The following ZNF385D variants were observed in gnomAD, a reference collection of about 807,000 sequenced individuals.
ZNF385D encodes the protein zinc finger protein 385D.
In ZNF385D, 15 loss-of-function variants were observed where a neutral mutation model predicts 35.8. The ratio of observed to expected loss-of-function variants is 0.42; its 90% CI spans 0.28 to 0.64. The LOEUF is 0.64. ZNF385D is among the 30% of genes least tolerant of loss of function. The pLI is 0.23. For missense variants in ZNF385D, 474 were observed against 494.6 expected (o/e 0.96, Z 0.39); for synonymous variants, 212 against 186.8 (o/e 1.13, Z -1.10).
intron 1 of ZNF385D, among the ~76,000 whole-genome samples, chr3:21,712,541 A>C (rs762493264): frequency 1.3e-5 from 2 of 152,198 alleles, no homozygotes; most frequent in Non-Finnish European, 2.9e-5. Context: ...AATAATAGAA[A>C]AGTAAACTTT....
At chr3:21,809,923 T>G (rs2072836098) in intron 3 of ZNF385D, among the ~76,000 whole-genome samples, 1 of 152,108 alleles carries the variant, frequency 6.6e-6, no homozygotes, top group Admixed American at 6.6e-5. Context: ...ACAAAATCTC[T>G]AGGCATAAAT....
chr3:22,136,171 C>G (rs144414534), intron 3 of ZNF385D, among the ~76,000 whole-genome samples: 1 of 152,204 alleles, frequency 6.6e-6, no homozygotes, highest in South Asian at 2.1e-4. Context: ...ATCGCCTGAG[C>G]TCAGGAGTTT....
chr3:22,090,982 G>T (rs907502695), intron 3 of ZNF385D, among the ~76,000 whole-genome samples: 5 of 152,184 alleles, frequency 3.3e-5, no homozygotes, highest in African/African-American at 9.6e-5. Context: ...CATGGCAAAA[G>T]AATTGCAAGA....
chr3:21,673,502 G>A (rs551486853), intron 1 of ZNF385D, among the ~76,000 whole-genome samples: 1 of 152,140 alleles, frequency 6.6e-6, no homozygotes, highest in South Asian at 2.1e-4. Context: ...CTTTCTCCTG[G>A]GTCCTTTGAC....
At chr3:21,998,425 AT>A (rs1400545334) in intron 3 of ZNF385D, among the ~76,000 whole-genome samples, 1 of 152,228 alleles carries the variant, frequency 6.6e-6, no homozygotes. Context: ...TCAAAATTCC[AT>A]CTTTACTTTT....
intron 3 of ZNF385D, among the ~76,000 whole-genome samples, chr3:21,933,506 A>G (rs1405785370): frequency 2.0e-5 from 3 of 152,218 alleles, no homozygotes; most frequent in Non-Finnish European, 4.4e-5. Context: ...TTCATAGGCT[A>G]TAATTACCTG....
chr3:22,086,564 G>T (rs1048145617), intron 3 of ZNF385D, among the ~76,000 whole-genome samples: 9 of 152,212 alleles, frequency 5.9e-5, no homozygotes, highest in Middle Eastern at 3.4e-3. Context: ...ACAAAGAAAT[G>T]GAAGAACATT....
intron 1 of ZNF385D, among the ~76,000 whole-genome samples, chr3:21,694,061 T>TTTTTTTTGG (rs2067383430): frequency 8.1e-6 from 1 of 124,104 alleles, no homozygotes; most frequent in Non-Finnish European, 1.7e-5. Flanking sequence ...TTTTTTTTTT[T>TTTTTTTTGG]GAGACAGAGT....
At chr3:22,094,714 C>A (rs1163931497) in intron 3 of ZNF385D, among the ~76,000 whole-genome samples, 1 of 151,900 alleles carries the variant, frequency 6.6e-6, no homozygotes, top group Non-Finnish European at 1.5e-5. Context: ...CAGACATGCT[C>A]AGTAGGTTAC....
chr3:22,105,042 C>T (rs1301881565), intron 3 of ZNF385D, among the ~76,000 whole-genome samples: 3 of 152,036 alleles, frequency 2.0e-5, no homozygotes, highest in Non-Finnish European at 4.4e-5. Flanking sequence ...AAATTAAACA[C>T]TGTTTGAATA....
At chr3:21,443,133 C>T in intron 4 of ZNF385D, 1 of 985,298 alleles carries the variant, frequency 1.0e-6, no homozygotes, top group Non-Finnish European at 1.2e-6. Context: ...CCAAATGAGG[C>T]TGTGGAGAAA....
At chr3:21,774,636 A>T (rs548440517) in intron 3 of ZNF385D, among the ~76,000 whole-genome samples, 4 of 151,880 alleles carry the variant, frequency 2.6e-5, no homozygotes, top group Admixed American at 1.3e-4. Context: ...AGAGATAGAG[A>T]GAAGTGATTA....
chr3:21,980,838 T>C (rs1423803395), intron 3 of ZNF385D, among the ~76,000 whole-genome samples: 1 of 152,188 alleles, frequency 6.6e-6, no homozygotes, highest in Non-Finnish European at 1.5e-5. Flanking sequence ...GTTCTTGAGT[T>C]AGTTTGCTAA....
At chr3:21,563,563 A>G (rs1163342066) in intron 3 of ZNF385D, among the ~76,000 whole-genome samples, 4 of 152,136 alleles carry the variant, frequency 2.6e-5, no homozygotes, top group Admixed American at 6.5e-5. Context: ...CCTATACTCA[A>G]TTATCTTGCA....
chr3:21,807,524 G>A (rs1363117759), intron 3 of ZNF385D, among the ~76,000 whole-genome samples: 1 of 152,026 alleles, frequency 6.6e-6, no homozygotes, highest in African/African-American at 2.4e-5. Flanking sequence ...GTTTTTTGAA[G>A]ATAATATTTT....
chr3:21,874,810 T>G (rs1697878686), intron 3 of ZNF385D, among the ~76,000 whole-genome samples: 1 of 152,230 alleles, frequency 6.6e-6, no homozygotes, highest in South Asian at 2.1e-4. Context: ...GCACTGGATC[T>G]GCTTTGGGAA....
At chr3:21,811,841 T>A (rs1326940115) in intron 3 of ZNF385D, among the ~76,000 whole-genome samples, 1 of 152,212 alleles carries the variant, frequency 6.6e-6, no homozygotes, top group African/African-American at 2.4e-5. Context: ...TCCAAAATCA[T>A]GTTAAATGGC....
chr3:21,536,174 G>T (rs897987294), intron 3 of ZNF385D, among the ~76,000 whole-genome samples: 1 of 152,048 alleles, frequency 6.6e-6, no homozygotes, highest in African/African-American at 2.4e-5. Context: ...TGACAATTGG[G>T]AATTTATCAC....
At chr3:21,981,430 C>T (rs558149646) in intron 3 of ZNF385D, among the ~76,000 whole-genome samples, 3 of 152,036 alleles carry the variant, frequency 2.0e-5, no homozygotes, top group South Asian at 2.1e-4. Context: ...TTTTCTCTTG[C>T]GAATTTTTAA....
Sources: gnomAD v4.1 joint callset for allele counts (sites outside exome capture counted in the v4.1 genomes callset) on GRCh38, gnomAD v4.1.1 for gene constraint, MANE v1.5 for transcripts, NCBI Gene and HGNC (gene_info 2026-07-23, HGNC 2026-07-21) for gene names.